Variants in CNTNAP2 observed in about 807,000 individuals in gnomAD.
The protein encoded by CNTNAP2 is contactin associated protein 2, also known as contactin-associated protein-like 2.
Under a neutral mutation model 155.2 loss-of-function variants are expected in CNTNAP2, and 98 were observed. The observed-to-expected ratio is 0.63, with a 90% CI of 0.54 to 0.75. The LOEUF (loss-of-function observed/expected upper bound fraction) is 0.75, where lower values mean the gene tolerates loss of function less well. Ranked by LOEUF, CNTNAP2 falls within the 30% of genes least tolerant of loss-of-function variation. The probability of loss-of-function intolerance (pLI) is 0.00; values close to 1 mark genes in which losing one functional copy is unlikely to be tolerated. For synonymous variants in CNTNAP2, 651 were observed against 631.2 expected (o/e 1.03, Z -0.47); for missense variants, 1,727 against 1,688.1 (o/e 1.02, Z -0.40).
chr7:148,116,346 A>G (rs143515678), intron 15 of CNTNAP2, among the ~76,000 whole-genome samples: 2 of 152,314 alleles, frequency 1.3e-5, no homozygotes, highest in African/African-American at 4.8e-5. Flanking sequence ...ATCCTCTTCA[A>G]TGTAAATACT....
At chr7:147,780,288 T>C (rs1797643811) in intron 13 of CNTNAP2, among the ~76,000 whole-genome samples, 1 of 152,224 alleles carries the variant, frequency 6.6e-6, no homozygotes, top group Non-Finnish European at 1.5e-5. Context: ...CGAGGCATTC[T>C]AGTATAATTG....
chr7:148,096,279 A>ATG (rs3056207), intron 15 of CNTNAP2, among the ~76,000 whole-genome samples: 9,617 of 144,718 alleles, frequency 0.066, 376 homozygotes, highest in African/African-American at 0.099. Flanking sequence ...GCATGCATGC[A>ATG]TGTGTGTGTG....
At chr7:146,805,761 G>A (rs1227854315) in intron 2 of CNTNAP2, among the ~76,000 whole-genome samples, 1 of 152,164 alleles carries the variant, frequency 6.6e-6, no homozygotes, top group Non-Finnish European at 1.5e-5. Context: ...GAAAAAAGGA[G>A]AGCAGTTGTA....
intron 18 of CNTNAP2, among the ~76,000 whole-genome samples, chr7:148,215,513 CTT>C (rs11351735): frequency 2.4e-3 from 343 of 143,582 alleles, no homozygotes; most frequent in Middle Eastern, 3.6e-3. Flanking sequence ...TCAGGGCTTT[CTT>C]TTTTTTTTTT....
chr7:146,980,073 GA>G (rs1797984585), intron 3 of CNTNAP2, among the ~76,000 whole-genome samples: 1 of 152,074 alleles, frequency 6.6e-6, no homozygotes, highest in African/African-American at 2.4e-5. Context: ...TGAAGTCATT[GA>G]CGTTGTCCAG....
intron 15 of CNTNAP2, among the ~76,000 whole-genome samples, chr7:148,058,034 A>G (rs1803056339): frequency 6.6e-6 from 1 of 150,826 alleles, no homozygotes; most frequent in African/African-American, 2.4e-5. Context: ...CCAAGTTTTT[A>G]TTTCCCTTTC....
At chr7:147,138,802 AG>A (rs1176461549) in intron 8 of CNTNAP2, among the ~76,000 whole-genome samples, 2 of 152,006 alleles carry the variant, frequency 1.3e-5, no homozygotes, top group African/African-American at 4.8e-5. Context: ...TGCCTTTTTC[AG>A]GGAAGATGAA....
intron 8 of CNTNAP2, among the ~76,000 whole-genome samples, chr7:147,200,294 A>G (rs1802896736): frequency 6.6e-6 from 1 of 152,196 alleles, no homozygotes; most frequent in Admixed American, 6.5e-5. Context: ...CAAACCAACA[A>G]GCTTGCTAAC....
chr7:147,715,754 T>C (rs1796474192), intron 13 of CNTNAP2, among the ~76,000 whole-genome samples: 1 of 152,166 alleles, frequency 6.6e-6, no homozygotes, highest in Admixed American at 6.6e-5. Flanking sequence ...GTGTTAAGTC[T>C]AAGAACTCTT....
chr7:146,871,302 G>A (rs867010330), intron 3 of CNTNAP2, among the ~76,000 whole-genome samples: 51 of 152,098 alleles, frequency 3.4e-4, no homozygotes, highest in African/African-American at 9.2e-4. Context: ...AGGCCGAGGC[G>A]GGCAGGTCAC....
At chr7:146,796,530 A>C (rs1272245072) in intron 2 of CNTNAP2, among the ~76,000 whole-genome samples, 5 of 152,038 alleles carry the variant, frequency 3.3e-5, no homozygotes, top group Admixed American at 2.0e-4. Flanking sequence ...CATATGTAGG[A>C]GCTATTGTAG....
chr7:146,185,724 T>A (rs1194579227), intron 1 of CNTNAP2, among the ~76,000 whole-genome samples: 5 of 151,784 alleles, frequency 3.3e-5, no homozygotes, highest in African/African-American at 1.2e-4. Context: ...ACACATATAA[T>A]TAAATATTAT....
chr7:148,295,495 A>ATT (rs770172459), intron 21 of CNTNAP2, among the ~76,000 whole-genome samples: 18 of 146,000 alleles, frequency 1.2e-4, no homozygotes, highest in Admixed American at 2.7e-4. Context: ...ATTTTAATCA[A>ATT]TTTTTTTTTT....
chr7:147,543,910 A>T (rs1242129420), intron 11 of CNTNAP2, among the ~76,000 whole-genome samples: 1 of 152,178 alleles, frequency 6.6e-6, no homozygotes, highest in East Asian at 1.9e-4. Flanking sequence ...TCAATTCACC[A>T]TATCTTTTCT....
At chr7:146,127,334 C>A (rs1038519785) in intron 1 of CNTNAP2, among the ~76,000 whole-genome samples, 4 of 152,098 alleles carry the variant, frequency 2.6e-5, no homozygotes, top group Admixed American at 2.6e-4. Context: ...AATACTAAGA[C>A]GCAGCAGGCA....
intron 10 of CNTNAP2, among the ~76,000 whole-genome samples, chr7:147,465,347 G>T (rs1563214683): frequency 6.6e-6 from 1 of 152,208 alleles, no homozygotes; most frequent in Non-Finnish European, 1.5e-5. Flanking sequence ...TTTCATTTGA[G>T]ATTTCCCATC....
At chr7:146,904,534 C>T (rs570340494) in intron 3 of CNTNAP2, among the ~76,000 whole-genome samples, 23 of 152,246 alleles carry the variant, frequency 1.5e-4, no homozygotes, top group African/African-American at 4.8e-4. Context: ...CACAGTGGCG[C>T]GATCTCGGCT....
chr7:146,668,853 C>T (rs937353579), intron 1 of CNTNAP2, among the ~76,000 whole-genome samples: 4 of 151,918 alleles, frequency 2.6e-5, no homozygotes, highest in African/African-American at 9.7e-5. Context: ...ATGATGCCTC[C>T]TTTTTCATTT....
chr7:147,789,053 C>T (rs1797780865), intron 13 of CNTNAP2, among the ~76,000 whole-genome samples: 1 of 151,628 alleles, frequency 6.6e-6, no homozygotes, highest in African/African-American at 2.4e-5. Flanking sequence ...TACAGGCATG[C>T]ATCACCATGC....
Sources: allele counts gnomAD v4.1 joint callset (sites outside exome capture counted in the v4.1 genomes callset), GRCh38; gene constraint gnomAD v4.1.1; transcripts MANE v1.5; gene names NCBI Gene and HGNC (gene_info 2026-07-23, HGNC 2026-07-21).